CPPED1: variants seen among roughly 807,000 people sequenced by gnomAD.
The protein encoded by CPPED1 is serine/threonine-protein phosphatase CPPED1.
CPPED1 carries 28 observed loss-of-function variants against 28.0 expected under a neutral mutation model. The observed-to-expected ratio is 1.00, with a 90% CI of 0.74 to 1.37. The LOEUF is 1.37. Among genes scored for constraint, CPPED1 ranks in the 40% most tolerant of loss-of-function variants. The pLI, the probability that CPPED1 is intolerant of heterozygous loss-of-function variation, is 0.00. For synonymous variants in CPPED1, 198 were observed against 180.2 expected (o/e 1.10, Z -0.79); for missense variants, 504 against 416.5 (o/e 1.21, Z -1.83).
chr16:12,758,383 G>A (rs181657870), intron 2 of CPPED1, among the ~76,000 whole-genome samples: 1 of 152,256 alleles, frequency 6.6e-6, no homozygotes, highest in Admixed American at 6.5e-5. Flanking sequence ...TGTATGTTTT[G>A]AGCGCCTATG....
chr16:12,722,632 G>A (rs890549114), intron 2 of CPPED1, among the ~76,000 whole-genome samples: 1 of 152,146 alleles, frequency 6.6e-6, no homozygotes, highest in African/African-American at 2.4e-5. Context: ...GCGTGAGGCA[G>A]GAGGCTCACC....
chr16:12,778,776 C>T (rs537729860), intron 2 of CPPED1, among the ~76,000 whole-genome samples: 12 of 152,306 alleles, frequency 7.9e-5, no homozygotes, highest in East Asian at 5.8e-4. Context: ...TTTTAAAATG[C>T]TCTGTTTAAT....
At chr16:12,672,875 G>T (rs376416046) in intron 3 of CPPED1, among the ~76,000 whole-genome samples, 1 of 152,260 alleles carries the variant, frequency 6.6e-6, no homozygotes, top group South Asian at 2.1e-4. Context: ...CTAGCCAGGC[G>T]TGGTGGCAGG....
chr16:12,758,263 G>A (rs987087424), intron 2 of CPPED1, among the ~76,000 whole-genome samples: 45 of 152,098 alleles, frequency 3.0e-4, no homozygotes, highest in African/African-American at 1.1e-3. Flanking sequence ...AGATATCATC[G>A]CCCCTGCTGT....
chr16:12,685,510 T>C (rs148383510), intron 3 of CPPED1, among the ~76,000 whole-genome samples: 2 of 152,332 alleles, frequency 1.3e-5, no homozygotes, highest in East Asian at 3.9e-4. Context: ...CACGAGGCTG[T>C]TAGGAGTTTC....
intron 3 of CPPED1, among the ~76,000 whole-genome samples, chr16:12,680,488 A>G (rs1454723588): frequency 6.6e-6 from 1 of 152,154 alleles, no homozygotes; most frequent in Non-Finnish European, 1.5e-5. Flanking sequence ...GAGAGTTCAG[A>G]GCCTTTCAGC....
chr16:12,696,221 G>A (rs981347330), intron 3 of CPPED1, among the ~76,000 whole-genome samples: 4 of 152,188 alleles, frequency 2.6e-5, no homozygotes, highest in African/African-American at 9.6e-5. Context: ...CAGGCAGCAG[G>A]CATGTCCCCA....
At chr16:12,803,625 G>C in intron 1 of CPPED1, 82 bp downstream of exon 1, 1 of 1,209,248 alleles carries the variant, frequency 8.3e-7, no homozygotes, top group Non-Finnish European at 1.1e-6. Flanking sequence ...GACTGGCGGA[G>C]CGCACACCTG....
rs542379311 is a variant in CPPED1, at chr16:12,737,211, AT to A, written c.290-32163del. Reference sequence around the variant, plus strand: ...TCTCAAAAAAATAATAATAATAATAATAAAAAAAATCAGAGATCATTTCAAT... The same window carrying A: ...TCTCAAAAAAATAATAATAATAATAAAAAAAAAATCAGAGATCATTTCAAT... On this transcript the variant is annotated intron_variant, in intron 2 of 3. Transcript: ENST00000381774. Among the ~76,000 whole-genome samples the A allele has an allele frequency of 5.6e-3, 852 of 152,134 alleles. 4 individuals carry two copies. The highest frequency in any genetic ancestry group is 0.031 in the Middle Eastern group (9 of 290).
Position 12,781,272 on chromosome 16 carries a change from T to C in CPPED1, c.202A>G (p.Thr68Ala). 1 of 1,614,138 alleles carries C rather than the reference T, an allele frequency of 6.2e-7. No homozygotes were observed. Among genetic ancestry groups the C allele is most frequent in the Non-Finnish European group, 8.5e-7 (1 of 1,179,992 alleles). ...TTGATGGCCTGGACGGCTTGCTCAG[T>C]TAGACGGATCTCCTGTTCCCATTCG... is the stretch of plus-strand genomic sequence containing the variant. ...GDEWEQEIRL[T>A]EQAVQAINKL... is the part of the protein sequence containing the mutation. Residue 68 changes from threonine to alanine, a missense_variant, in exon 2 of 4, where the codon ACT becomes GCT. Physicochemically the swap from Thr to Ala is moderately conservative, Grantham distance 58 (BLOSUM62 0). Transcript: ENST00000381774.
chr16:12,688,216 C>T (rs1451129999), intron 3 of CPPED1, among the ~76,000 whole-genome samples: 1 of 151,792 alleles, frequency 6.6e-6, no homozygotes, highest in Non-Finnish European at 1.5e-5. Flanking sequence ...GGAACCACAC[C>T]CCTATCCAAT....
At chr16:12,803,489 A>G (rs1414341122) in intron 1 of CPPED1, among the ~76,000 whole-genome samples, 1 of 152,338 alleles carries the variant, frequency 6.6e-6, no homozygotes, top group East Asian at 1.9e-4. Flanking sequence ...GTCAAGGCCA[A>G]GGAGGCTCCT....
intron 2 of CPPED1, among the ~76,000 whole-genome samples, chr16:12,756,434 T>C (rs1802452334): frequency 1.3e-5 from 2 of 151,942 alleles, no homozygotes; most frequent in African/African-American, 4.9e-5. Flanking sequence ...GTGGCTCATG[T>C]CTGTAATTCC....
At chr16:12,724,976 C>T (rs1227982146) in intron 2 of CPPED1, among the ~76,000 whole-genome samples, 2 of 150,536 alleles carry the variant, frequency 1.3e-5, no homozygotes, top group Admixed American at 6.6e-5. Context: ...TTAGTAGAGA[C>T]GGGGTTGCAC....
chr16:12,759,774 G>C (rs1376112657), intron 2 of CPPED1, among the ~76,000 whole-genome samples: 1 of 152,168 alleles, frequency 6.6e-6, no homozygotes. Flanking sequence ...TTGTGAAAAA[G>C]GTGCTTGCTT....
In CPPED1 at chr16:12,660,808, A is replaced by G. The variant is rs1196009695; in HGVS notation, c.*4078T>C. 6.6e-6 allele frequency: 1 copy of G among 152,228 alleles called. No homozygotes were observed. The highest frequency in any genetic ancestry group is 1.9e-4 in the East Asian group (1 of 5,198). The allele number at this position is 152,228 out of a possible 1,614,324, so 9.4% of individuals were successfully genotyped here. A position where few individuals can be genotyped will look rare whatever the true frequency, so the allele number is the denominator to read the frequency against. Reference sequence around the variant, plus strand: ...AAACCATTTTAGGTACCACTTGGGAATAAGTATTAAGAGTTCAAGTAAGGC... The same window carrying G: ...AAACCATTTTAGGTACCACTTGGGAGTAAGTATTAAGAGTTCAAGTAAGGC... On this transcript the variant is annotated 3_prime_UTR_variant, in exon 4 of 4. Coordinates refer to ENST00000381774, the MANE Select transcript of CPPED1 (RefSeq NM_018340.3).
At position 12,723,107 on chromosome 16, in the gene CPPED1, G is replaced by A. The variant is rs1398575552; in HGVS notation, c.290-18058C>T. Among the ~76,000 whole-genome samples, 5 of 152,102 alleles carry A rather than the reference G, an allele frequency of 3.3e-5. No homozygotes were observed. The South Asian group carries it at 1.0e-3, about 31-fold the overall frequency. ...TCCACCCGGCTCCCATCTAACTTCC[G>A]TATGTGCGCACACACACCGCACATG... On this transcript the variant is annotated intron_variant, in intron 2 of 3. Transcript: ENST00000381774.
intron 2 of CPPED1, among the ~76,000 whole-genome samples, chr16:12,722,712 T>G (rs976051728): frequency 7.2e-5 from 11 of 152,110 alleles, no homozygotes; most frequent in Non-Finnish European, 1.5e-4. Flanking sequence ...GATGACAGAA[T>G]GAAGCCCTGT....
At chr16:12,756,013 C>A (rs972888788) in intron 2 of CPPED1, among the ~76,000 whole-genome samples, 1 of 152,104 alleles carries the variant, frequency 6.6e-6, no homozygotes, top group African/African-American at 2.4e-5. Flanking sequence ...CACCTGTAGT[C>A]CCAGCTACTC....
Sources: allele counts gnomAD v4.1 joint callset (sites outside exome capture counted in the v4.1 genomes callset), GRCh38; gene constraint gnomAD v4.1.1; transcripts MANE v1.5; gene names NCBI Gene and HGNC (gene_info 2026-07-23, HGNC 2026-07-21).